Variants in HACL1 observed in about 807,000 individuals in gnomAD.
HACL1 encodes 2-hydroxyacyl-CoA lyase 1, also known as 1600020H07Rik.
A neutral mutation model predicts 74.2 loss-of-function variants in HACL1; 64 were observed. That is an observed-to-expected ratio of 0.86 (90% CI 0.70 to 1.06). The LOEUF (loss-of-function observed/expected upper bound fraction) is 1.06, where lower values mean the gene tolerates loss of function less well. Ranked by LOEUF, HACL1 falls within the 50% of genes least tolerant of loss-of-function variation. The pLI is 0.00. For synonymous variants in HACL1, 230 were observed against 238.8 expected (o/e 0.96, Z 0.34); for missense variants, 728 against 719.7 (o/e 1.01, Z -0.13).
intron 9 of HACL1, 132 bp downstream of exon 9, chr3:15,579,778 C>G (rs2063690319): frequency 1.5e-6 from 1 of 660,486 alleles, no homozygotes; most frequent in African/African-American, 1.9e-5. Context: ...AGAAGATAGT[C>G]CAAAAATAAA....
At chr3:15,578,833 A>C (rs563549627) in intron 9 of HACL1, among the ~76,000 whole-genome samples, 2 of 152,272 alleles carry the variant, frequency 1.3e-5, no homozygotes, top group South Asian at 4.1e-4. Flanking sequence ...TTCAGAGGGC[A>C]GCTTTAGTTA....
At chr3:15,592,512 A>G (rs1046882935) in intron 3 of HACL1, among the ~76,000 whole-genome samples, 19 of 150,890 alleles carry the variant, frequency 1.3e-4, no homozygotes, top group African/African-American at 4.4e-4. Flanking sequence ...TTGTATATAC[A>G]CTTGTATACA....
At chr3:15,584,449 A>G (rs1049544014) in intron 7 of HACL1, among the ~76,000 whole-genome samples, 1 of 152,128 alleles carries the variant, frequency 6.6e-6, no homozygotes, top group Non-Finnish European at 1.5e-5. Flanking sequence ...TTAGCCAAGC[A>G]TGGTGGCGGG....
chr3:15,578,773 G>A (rs1050341180), intron 9 of HACL1, among the ~76,000 whole-genome samples: 9 of 152,168 alleles, frequency 5.9e-5, no homozygotes, highest in African/African-American at 2.4e-5. Context: ...GGTCCCTGTG[G>A]TCTGAAGAGT....
intron 8 of HACL1, 51 bp from the exon 9 acceptor site, chr3:15,580,096 T>A (rs930933495): frequency 1.4e-6 from 2 of 1,480,172 alleles, no homozygotes; most frequent in Admixed American, 4.1e-5. Flanking sequence ...ATAGGCACTG[T>A]GACCCTTAAA....
chr3:15,583,839 G>A (rs779612290), intron 7 of HACL1, among the ~76,000 whole-genome samples: 6 of 151,692 alleles, frequency 4.0e-5, no homozygotes, highest in Non-Finnish European at 8.8e-5. Flanking sequence ...TGTATTTTTC[G>A]TAGAGATGGG....
At chr3:15,594,633 T>C (rs1470809613) in intron 3 of HACL1, among the ~76,000 whole-genome samples, 1 of 152,376 alleles carries the variant, frequency 6.6e-6, no homozygotes, top group African/African-American at 2.4e-5. Context: ...AATAGAAATG[T>C]TCTGCATTTG....
chr3:15,571,731 A>G lies in HACL1; in HGVS notation c.1032T>C (p.Pro344=). Residue 344 remains proline, a synonymous_variant, in exon 12 of 17, where the codon CCT becomes CCC. Transcript: ENST00000321169. ...EELDKTPWQY[P]PESKWWKTLR... ...GAGTTTTCCACCACTTGCTCTCTGG[A>G]GGATACTGCCATGGTGTTTTATCAA... is the stretch of plus-strand genomic sequence containing the variant. The G allele has an allele frequency of 1.3e-6, 2 of 1,501,222 alleles. No individual in the cohort carries two copies. The highest frequency in any genetic ancestry group is 9.2e-7 in the Non-Finnish European group (1 of 1,087,516). 93.0% of individuals were successfully genotyped at this position (1,501,222 alleles called of 1,614,324 possible).
chr3:15,572,497 T>C (rs1296326632), intron 11 of HACL1, among the ~76,000 whole-genome samples: 1 of 152,210 alleles, frequency 6.6e-6, no homozygotes, highest in African/African-American at 2.4e-5. Context: ...AACCACTCCT[T>C]CCACAGAACT....
chr3:15,570,586 A>T (rs1010079273), intron 12 of HACL1, among the ~76,000 whole-genome samples: 7 of 127,626 alleles, frequency 5.5e-5, no homozygotes, highest in Admixed American at 1.5e-4. Context: ...ACAAAACAAT[A>T]AAAAAAAACC....
intron 14 of HACL1, among the ~76,000 whole-genome samples, chr3:15,565,202 T>C (rs1349230342): frequency 6.6e-6 from 1 of 152,156 alleles, no homozygotes; most frequent in East Asian, 1.9e-4. Flanking sequence ...CTTTAGCTAT[T>C]AGCTATGAAC....
At chr3:15,592,633 C>T (rs2063966106) in intron 3 of HACL1, among the ~76,000 whole-genome samples, 1 of 27,734 alleles carries the variant, frequency 3.6e-5, no homozygotes, top group African/African-American at 1.6e-4. Flanking sequence ...CATGTACGCA[C>T]ATGTGTGCGT....
chr3:15,572,758 C>CT (rs1559550656), intron 11 of HACL1, among the ~76,000 whole-genome samples: 1 of 152,170 alleles, frequency 6.6e-6, no homozygotes, highest in African/African-American at 2.4e-5. Context: ...GTAAAAAGCT[C>CT]TTTTTTACCT....
intron 2 of HACL1, among the ~76,000 whole-genome samples, chr3:15,597,892 G>A (rs537335322): frequency 6.6e-6 from 1 of 152,262 alleles, no homozygotes; most frequent in Non-Finnish European, 1.5e-5. Context: ...ACTTATGATA[G>A]CTAGGTAAGA....
At chr3:15,589,720 T>C (rs1404319443) in intron 4 of HACL1, 108 bp from the exon 5 acceptor site, 2 of 761,738 alleles carry the variant, frequency 2.6e-6, no homozygotes, top group African/African-American at 1.7e-5. Context: ...AGGGAGAGAA[T>C]ATTATATTTT....
chr3:15,572,233 C>CT (rs1327459668), intron 11 of HACL1, among the ~76,000 whole-genome samples: 1 of 152,132 alleles, frequency 6.6e-6, no homozygotes, highest in African/African-American at 2.4e-5. Flanking sequence ...TACTCAGACT[C>CT]TTTTTTTCTT....
chr3:15,597,454 G>T (rs1210666802), intron 2 of HACL1, among the ~76,000 whole-genome samples: 1 of 151,822 alleles, frequency 6.6e-6, no homozygotes, highest in East Asian at 1.9e-4. Flanking sequence ...AGATAACCTG[G>T]GAAAATGCTG....
chr3:15,592,449 T>TATACAC (rs2063945563), intron 3 of HACL1, among the ~76,000 whole-genome samples: 2 of 124,522 alleles, frequency 1.6e-5, no homozygotes, highest in African/African-American at 8.3e-5. Flanking sequence ...CACGTATACA[T>TATACAC]ACACACACGT....
At position 15,591,641 on chromosome 3, in the gene HACL1, G is replaced by A; in HGVS notation, c.267C>T (p.Ile89=). Residue 89 remains isoleucine (I), a synonymous_variant, in exon 4 of 17, where the codon ATC becomes ATT. Coordinates refer to ENST00000321169, the MANE Select transcript of HACL1 (RefSeq NM_012260.4). Reference sequence around the variant, plus strand: ...CATTTGCCATACCGCCCAAGGCATGGATGAGACCTGGGCCAGAAACAACAA... The same window carrying A: ...CATTTGCCATACCGCCCAAGGCATGAATGAGACCTGGGCCAGAAACAACAA... ...VCLVVSGPGL[I]HALGGMANAN... 1 of 1,611,756 alleles carries A rather than the reference G, an allele frequency of 6.2e-7. No individual in the cohort carries two copies. The highest frequency in any genetic ancestry group is 8.5e-7 in the Non-Finnish European group (1 of 1,178,132).
Sources: gnomAD v4.1 joint callset for allele counts (sites outside exome capture counted in the v4.1 genomes callset) on GRCh38, gnomAD v4.1.1 for gene constraint, MANE v1.5 for transcripts, NCBI Gene and HGNC (gene_info 2026-07-23, HGNC 2026-07-21) for gene names.